Variants in KCNT1 observed in about 807,000 individuals in gnomAD.
KCNT1 encodes the protein potassium sodium-activated channel subfamily T member 1.
Under a neutral mutation model 147.8 loss-of-function variants are expected in KCNT1, and 78 were observed. The ratio of observed to expected loss-of-function variants is 0.53; its 90% CI spans 0.44 to 0.64. KCNT1 has a LOEUF of 0.64. KCNT1 is among the 30% of genes least tolerant of loss of function. The pLI is 0.00. For missense variants in KCNT1, 1,419 were observed against 1,750.3 expected (o/e 0.81, Z 3.38); for synonymous variants, 867 against 748.8 (o/e 1.16, Z -2.58).
At chr9:135,754,331 G>A (rs1831357146) in intron 5 of KCNT1, among the ~76,000 whole-genome samples, 1 of 152,112 alleles carries the variant, frequency 6.6e-6, no homozygotes, top group South Asian at 2.1e-4. Context: ...AGCAGTTTGA[G>A]AATTGTGAGT....
At chr9:135,762,148 T>G (rs1313392260) in intron 11 of KCNT1, among the ~76,000 whole-genome samples, 2 of 152,142 alleles carry the variant, frequency 1.3e-5, no homozygotes, top group Non-Finnish European at 2.9e-5. Flanking sequence ...TTATCTCCAT[T>G]AAGAAGTAAG....
At chr9:135,787,035 C>T (rs1389838006) in intron 29 of KCNT1, among the ~76,000 whole-genome samples, 2 of 152,216 alleles carry the variant, frequency 1.3e-5, no homozygotes, top group Non-Finnish European at 2.9e-5. Context: ...GAGAACAAGA[C>T]TGGTGGGGAC....
intron 3 of KCNT1, chr9:135,750,635 C>T: frequency 2.0e-6 from 1 of 509,318 alleles, no homozygotes; most frequent in Non-Finnish European, 3.5e-6. Context: ...CCCAGGGGCT[C>T]CACATTCACC....
At chr9:135,744,073 G>A (rs930705968) in intron 2 of KCNT1, among the ~76,000 whole-genome samples, 13 of 152,374 alleles carry the variant, frequency 8.5e-5, no homozygotes, top group Admixed American at 6.5e-4. Context: ...GCCACTGCCA[G>A]AGAGAGGCAG....
At position 135,791,391 on chromosome 9, in the gene KCNT1, G is replaced by A. The variant is rs937593036; in HGVS notation, c.3503-406G>A. On this transcript the variant is annotated intron_variant, in intron 29 of 30. Transcript: ENST00000371757. ...AATACAGAGGTGAATCTGCAGGTGT[G>A]TGCAGGTGTAGATGAAGGCATGCAT... 5 of 248,474 alleles carry A rather than the reference G, an allele frequency of 2.0e-5. No individual in the cohort carries two copies. The South Asian group carries it at 2.1e-4, about 10-fold the overall frequency. 15.4% of individuals were successfully genotyped at this position (248,474 alleles called of 1,614,324 possible).
At chr9:135,720,558 A>G (rs1223742348) in intron 2 of KCNT1, among the ~76,000 whole-genome samples, 1 of 147,422 alleles carries the variant, frequency 6.8e-6, no homozygotes, top group Non-Finnish European at 1.5e-5. Context: ...GCCCCCACAC[A>G]CCAGCCTGGC....
At chr9:135,768,383 G>A in intron 13 of KCNT1, 1 of 402,960 alleles carries the variant, frequency 2.5e-6, no homozygotes, top group East Asian at 4.0e-5. Context: ...CCACTGAGGG[G>A]GCACTGTGAC....
intron 1 of KCNT1, chr9:135,703,064 A>T (rs1447762592): frequency 6.6e-6 from 1 of 152,438 alleles, no homozygotes; most frequent in African/African-American, 2.4e-5. Flanking sequence ...ACGGACCGGC[A>T]GCTGAGTGGG....
chr9:135,775,442 T>TGCACCCCCAGACGCCA, intron 20 of KCNT1, 27 bp downstream of exon 20: 1 of 1,565,568 alleles, frequency 6.4e-7, no homozygotes, highest in South Asian at 1.2e-5. Flanking sequence ...TGCCGCGCTC[T>TGCACCCCCAGACGCCA]GCACCCCCAG....
At chr9:135,779,578 C>T (rs573166744) in intron 24 of KCNT1, 108 bp downstream of exon 24, 6 of 816,018 alleles carry the variant, frequency 7.4e-6, no homozygotes, top group African/African-American at 1.7e-5. Flanking sequence ...GGGCTCCTGC[C>T]GCCCTCCTGC....
intron 1 of KCNT1, among the ~76,000 whole-genome samples, chr9:135,703,949 A>C (rs1835141234): frequency 1.3e-5 from 2 of 152,224 alleles, no homozygotes; most frequent in South Asian, 4.1e-4. Context: ...CACTGCAGGC[A>C]GAGCAGCCGC....
intron 2 of KCNT1, among the ~76,000 whole-genome samples, chr9:135,716,150 C>T (rs1835712078): frequency 6.6e-6 from 1 of 152,188 alleles, no homozygotes; most frequent in Non-Finnish European, 1.5e-5. Flanking sequence ...TCTAAGCCAG[C>T]ACCAGCCCCT....
rs1313669242 is a variant in KCNT1, at chr9:135,784,882, C to T, written c.3149C>T (p.Thr1050Ile). 4.3e-6 allele frequency: 7 copies of T among 1,612,280 alleles called. No individual in the cohort carries two copies. Among genetic ancestry groups the T allele is most frequent in the African/African-American group, 1.3e-5 (1 of 74,934 alleles). ...CGGACAGAGAGCCACGTCTTCTCCA[C>T]CTCGGAGGTTCTGGGGCAGCCTGGG... ...IYRTESHVFS[T>I]SEPHDLRAQS... Residue 1050 changes from threonine to isoleucine, a missense_variant, in exon 27 of 31, where the codon ACC (threonine) becomes ATC (isoleucine). This residue lies in a region of KCNT1 where 306 missense variants were observed against 294.2 expected (regional missense o/e 1.04). Coordinates refer to ENST00000371757, the MANE Select transcript of KCNT1 (RefSeq NM_020822.3).
rs762961249 is a variant in KCNT1 at position 135,793,692 on chromosome 9, T to G, written c.*1531T>G. Reference sequence around the variant, plus strand: ...AGGGGCCGGCCCTGGCCACACAGACTAGCTAGTCCCTTACTCCCGGCCTGT... The same window carrying G: ...AGGGGCCGGCCCTGGCCACACAGACGAGCTAGTCCCTTACTCCCGGCCTGT... On this transcript the variant is annotated 3_prime_UTR_variant, in exon 31 of 31. Transcript: ENST00000371757. The G allele has an allele frequency of 6.6e-6, 1 of 152,316 alleles. No homozygotes were observed. The highest frequency in any genetic ancestry group is 2.4e-5 in the African/African-American group (1 of 41,458). The allele number at this position is 152,316 out of a possible 1,614,324, so 9.4% of individuals were successfully genotyped here.
At chr9:135,776,802 C>T (rs1415225406) in intron 20 of KCNT1, among the ~76,000 whole-genome samples, 2 of 152,350 alleles carry the variant, frequency 1.3e-5, no homozygotes, top group South Asian at 2.1e-4. Flanking sequence ...GGCCTTCAAG[C>T]GGCTTCTGGG....
intron 6 of KCNT1, among the ~76,000 whole-genome samples, chr9:135,756,142 A>G (rs1288011643): frequency 1.3e-5 from 2 of 150,184 alleles, no homozygotes; most frequent in Non-Finnish European, 3.0e-5. Flanking sequence ...GTAAGTAGGG[A>G]ACCCAGGCTC....
At chr9:135,770,731 A>G in intron 17 of KCNT1, 126 bp from the exon 18 acceptor site, 1 of 985,982 alleles carries the variant, frequency 1.0e-6, no homozygotes, top group Non-Finnish European at 1.5e-6. Context: ...CCCTGACCCC[A>G]AATGGCCCCC....
chr9:135,733,695 G>A (rs1042278011), intron 2 of KCNT1, among the ~76,000 whole-genome samples: 12 of 144,322 alleles, frequency 8.3e-5, no homozygotes, highest in Admixed American at 1.4e-4. Context: ...CCACTCCACC[G>A]AGGTGACCCC....
Position 135,792,292 on chromosome 9 carries a change from C to T in KCNT1, c.*131C>T. ...ACTCTACTCACCATGGCTCCTGGGA[C>T]TCCACCCTGGAAAGGAGCCCCTCAT... On this transcript the variant is annotated 3_prime_UTR_variant, in exon 31 of 31. Transcript: ENST00000371757. 3 of 1,212,166 alleles carry T rather than the reference C, an allele frequency of 2.5e-6. No homozygotes were observed. The highest frequency in any genetic ancestry group is 2.8e-5 in the Admixed American group (1 of 36,010). The allele number at this position is 1,212,166 out of a possible 1,614,324, so 75.1% of individuals were successfully genotyped here.
Sources: gnomAD v4.1 joint callset for allele counts (sites outside exome capture counted in the v4.1 genomes callset) on GRCh38, gnomAD v4.1.1 for gene constraint, gnomAD v4.1.1 regional missense constraint, MANE v1.5 for transcripts, NCBI Gene and HGNC (gene_info 2026-07-23, HGNC 2026-07-21) for gene names.